Variants in FAM169A observed in about 807,000 individuals in gnomAD.
FAM169A encodes family with sequence similarity 169 member A.
Under a neutral mutation model 75.7 loss-of-function variants are expected in FAM169A, and 24 were observed. The observed-to-expected ratio is 0.32, with a 90% CI of 0.23 to 0.45. The LOEUF is 0.45. Ranked by LOEUF, FAM169A falls within the 20% of genes least tolerant of loss-of-function variation. The pLI, the probability that FAM169A is intolerant of heterozygous loss-of-function variation, is 1.00. For synonymous variants in FAM169A, 271 were observed against 271.0 expected, an observed-to-expected ratio of 1.00 and a Z score of 0.00; for missense variants, 673 against 784.0, an observed-to-expected ratio of 0.86 and a Z score of 1.69.
intron 1 of FAM169A, among the ~76,000 whole-genome samples, chr5:74,844,536 T>A (rs569586813): frequency 6.6e-6 from 1 of 151,584 alleles, no homozygotes; most frequent in African/African-American, 2.4e-5. Flanking sequence ...AATAAACTTA[T>A]GGGCCAGACA....
intron 11 of FAM169A, among the ~76,000 whole-genome samples, chr5:74,785,908 A>C (rs1303685723): frequency 1.3e-5 from 2 of 152,228 alleles, no homozygotes. Flanking sequence ...AATACTGTCA[A>C]CTTGATTGGA....
chr5:74,855,668 T>C (rs1561327649), intron 1 of FAM169A, among the ~76,000 whole-genome samples: 2 of 152,240 alleles, frequency 1.3e-5, no homozygotes, highest in African/African-American at 4.8e-5. Flanking sequence ...CTGAGTTCCT[T>C]ATATATTCTG....
At chr5:74,795,956 T>A in intron 11 of FAM169A, 74 bp downstream of exon 11, 1 of 1,470,512 alleles carries the variant, frequency 6.8e-7, no homozygotes, top group Non-Finnish European at 9.3e-7. Context: ...GCTATACTTT[T>A]CTAACAACAT....
At chr5:74,800,770 T>C (rs1746530917) in intron 10 of FAM169A, 110 bp downstream of exon 10, 2 of 351,654 alleles carry the variant, frequency 5.7e-6, no homozygotes, top group African/African-American at 4.4e-5. Context: ...TAATAAACAA[T>C]ATAAAATAGT....
At chr5:74,831,920 C>T (rs1367975523) in intron 5 of FAM169A, among the ~76,000 whole-genome samples, 1 of 152,068 alleles carries the variant, frequency 6.6e-6, no homozygotes, top group Non-Finnish European at 1.5e-5. Context: ...TTCAATCTCA[C>T]TCAATGTTCT....
intron 3 of FAM169A, among the ~76,000 whole-genome samples, chr5:74,839,522 ATTTTT>A (rs200682932): frequency 7.6e-6 from 1 of 130,808 alleles, no homozygotes; most frequent in African/African-American, 2.9e-5. Flanking sequence ...TCAATTTTTA[ATTTTT>A]TTTTTTTTTT....
At chr5:74,787,284 G>A (rs1004103605) in intron 11 of FAM169A, among the ~76,000 whole-genome samples, 2 of 152,160 alleles carry the variant, frequency 1.3e-5, no homozygotes, top group African/African-American at 4.8e-5. Context: ...GCTGCTCAGG[G>A]AATTTAAAAA....
Position 74,805,156 on chromosome 5 carries a change from C to A in FAM169A, c.799G>T (p.Ala267Ser), listed in dbSNP as rs773904751. 1 of 1,613,580 alleles carries A rather than the reference C, an allele frequency of 6.2e-7. No homozygotes were observed. The highest frequency in any genetic ancestry group is 1.1e-5 in the South Asian group (1 of 91,000). Residue 267 changes from alanine to serine, a missense_variant and splice_region_variant, in exon 7 of 13, where the codon GCA (alanine) becomes TCA (serine). Around this residue, in one of 3 missense-constraint regions of FAM169A, gnomAD observed 510 missense variants for 550.9 expected, o/e 0.93. Coordinates refer to ENST00000687041, the MANE Select transcript of FAM169A (RefSeq NM_001376049.1). Reference protein sequence around the residue: ...ALQREALKILALSQNEPKRPM... With the variant: ...ALQREALKILSLSQNEPKRPM... Reference sequence around the variant, plus strand: ...ATGTTCAAACTGAAAACACTCTTACCTAGAATTTTAAGTGCTTCTCTTTGT... The same window carrying A: ...ATGTTCAAACTGAAAACACTCTTACATAGAATTTTAAGTGCTTCTCTTTGT...
intron 8 of FAM169A, among the ~76,000 whole-genome samples, chr5:74,802,657 A>G (rs910733166): frequency 3.9e-5 from 6 of 152,116 alleles, no homozygotes; most frequent in Non-Finnish European, 5.9e-5. Context: ...TGGACCATCT[A>G]GTTCTCCCAT....
intron 1 of FAM169A, among the ~76,000 whole-genome samples, chr5:74,860,130 G>A (rs1017589111): frequency 6.6e-6 from 1 of 152,160 alleles, no homozygotes; most frequent in Non-Finnish European, 1.5e-5. Flanking sequence ...CTTAATAAAA[G>A]GCAGCTAGAA....
At chr5:74,808,640 CAAAA>C (rs1481891956) in intron 6 of FAM169A, among the ~76,000 whole-genome samples, 1 of 151,916 alleles carries the variant, frequency 6.6e-6, no homozygotes, top group Admixed American at 6.6e-5. Flanking sequence ...TTTTTTACAA[CAAAA>C]AATGGTTTAA....
chr5:74,854,259 G>A (rs1580170382), intron 1 of FAM169A, among the ~76,000 whole-genome samples: 1 of 152,080 alleles, frequency 6.6e-6, no homozygotes, highest in Non-Finnish European at 1.5e-5. Flanking sequence ...GCCAGGTATG[G>A]TGGCGGATGC....
At chr5:74,801,746 G>A in intron 8 of FAM169A, 117 bp from the exon 9 acceptor site, 2 of 738,458 alleles carry the variant, frequency 2.7e-6, no homozygotes, top group Non-Finnish European at 4.7e-6. Flanking sequence ...AGCACTTTTT[G>A]TTAACAACAT....
chr5:74,829,369 T>G (rs1453754492), intron 5 of FAM169A, among the ~76,000 whole-genome samples: 1 of 152,216 alleles, frequency 6.6e-6, no homozygotes, highest in Non-Finnish European at 1.5e-5. Context: ...CATCTATGGT[T>G]TCTTGTGAAT....
intron 10 of FAM169A, chr5:74,799,699 AG>A: frequency 1.6e-6 from 2 of 1,256,100 alleles, no homozygotes; most frequent in South Asian, 2.4e-5. Context: ...TGCCTCAAAA[AG>A]TGTGCATGTC....
intron 11 of FAM169A, among the ~76,000 whole-genome samples, chr5:74,793,101 T>C (rs1435687244): frequency 5.3e-5 from 8 of 151,598 alleles, no homozygotes; most frequent in African/African-American, 1.9e-4. Context: ...CCGAGGTGGG[T>C]GGATCATGAA....
At chr5:74,866,490 G>A (rs1750356132), upstream of FAM169A, 1 of 681,810 alleles carries the variant, frequency 1.5e-6, no homozygotes, top group Non-Finnish European at 1.8e-6. Flanking sequence ...AGCCTGGGAC[G>A]CCGCCCTGCC....
At chr5:74,787,168 G>A (rs1479157173) in intron 11 of FAM169A, among the ~76,000 whole-genome samples, 3 of 152,200 alleles carry the variant, frequency 2.0e-5, no homozygotes, top group Non-Finnish European at 2.9e-5. Context: ...AACAGGTGTG[G>A]GAACGGATGT....
chr5:74,783,453 T>C (rs987140723), intron 11 of FAM169A, among the ~76,000 whole-genome samples: 6 of 152,196 alleles, frequency 3.9e-5, no homozygotes, highest in African/African-American at 4.8e-5. Context: ...TGTTCCTCCT[T>C]CTTAGAGGGC....
Sources: gnomAD v4.1 joint callset for allele counts (sites outside exome capture counted in the v4.1 genomes callset) on GRCh38, gnomAD v4.1.1 for gene constraint, gnomAD v4.1.1 regional missense constraint, MANE v1.5 for transcripts, NCBI Gene and HGNC (gene_info 2026-07-23, HGNC 2026-07-21) for gene names.